Variants in SORCS2 observed in about 807,000 individuals in gnomAD.
The protein encoded by SORCS2 is VPS10 domain-containing receptor SorCS2.
In SORCS2, 100 loss-of-function variants were observed where a neutral mutation model predicts 141.6. That is an observed-to-expected ratio of 0.71 (90% CI 0.60 to 0.83). The LOEUF is 0.83. Among genes scored for constraint, SORCS2 ranks in the 40% least tolerant of loss-of-function variants. SORCS2 has a pLI of 0.00. For synonymous variants in SORCS2, 789 were observed against 676.9 expected (o/e 1.17, Z -2.57); for missense variants, 1,646 against 1,560.2 (o/e 1.05, Z -0.93).
intron 4 of SORCS2, among the ~76,000 whole-genome samples, chr4:7,650,108 T>C (rs1721337518): frequency 1.3e-5 from 2 of 152,182 alleles, no homozygotes; most frequent in South Asian, 4.1e-4. Context: ...TCTAGACAGA[T>C]GCTGATCACA....
chr4:7,273,562 C>T (rs915221621), intron 1 of SORCS2, among the ~76,000 whole-genome samples: 4 of 152,136 alleles, frequency 2.6e-5, no homozygotes, highest in African/African-American at 9.7e-5. Context: ...GGTGGACGTC[C>T]AGGGGTAAGT....
intron 2 of SORCS2, among the ~76,000 whole-genome samples, chr4:7,436,575 C>T (rs556120569): frequency 8.3e-4 from 127 of 152,326 alleles, no homozygotes; most frequent in Admixed American, 1.6e-3. Context: ...CACAACATCC[C>T]GATAATGAAG....
chr4:7,297,484 C>T (rs551212903), intron 1 of SORCS2, among the ~76,000 whole-genome samples: 1 of 152,056 alleles, frequency 6.6e-6, no homozygotes, highest in African/African-American at 2.4e-5. Context: ...GAAGCTGCCT[C>T]TGCTCCTTCT....
chr4:7,275,011 A>C (rs761417854), intron 1 of SORCS2, among the ~76,000 whole-genome samples: 3 of 152,162 alleles, frequency 2.0e-5, no homozygotes, highest in Non-Finnish European at 2.9e-5. Context: ...CTGGGCTGTC[A>C]CCACCTAAGC....
intron 1 of SORCS2, among the ~76,000 whole-genome samples, chr4:7,382,421 G>C (rs1723045824): frequency 6.6e-6 from 1 of 152,090 alleles, no homozygotes; most frequent in Non-Finnish European, 1.5e-5. Flanking sequence ...AAGGTGCAGA[G>C]AACAGGCCCC....
At chr4:7,317,947 T>C (rs2108937274) in intron 1 of SORCS2, among the ~76,000 whole-genome samples, 1 of 152,218 alleles carries the variant, frequency 6.6e-6, no homozygotes, top group Non-Finnish European at 1.5e-5. Context: ...CCCTAGCACT[T>C]CAGAATGTGA....
chr4:7,728,573 C>T (rs4689844), intron 22 of SORCS2, 111 bp downstream of exon 22: 98,395 of 685,622 alleles, frequency 0.14, 7,578 homozygotes, highest in East Asian at 0.22. Flanking sequence ...GCACTGCCCC[C>T]GCACACGATG....
At chr4:7,657,162 G>T (rs559199641) in intron 5 of SORCS2, among the ~76,000 whole-genome samples, 2 of 152,342 alleles carry the variant, frequency 1.3e-5, no homozygotes, top group South Asian at 2.1e-4. Flanking sequence ...CAGGGCCTTC[G>T]CCAGTACACT....
At chr4:7,267,794 T>C (rs112758702) in intron 1 of SORCS2, among the ~76,000 whole-genome samples, 6,179 of 152,244 alleles carry the variant, frequency 0.041, 427 homozygotes, top group African/African-American at 0.14. Flanking sequence ...ATTGCGCCAC[T>C]GCACTCCAGC....
chr4:7,468,290 C>G (rs1276235251), intron 2 of SORCS2, among the ~76,000 whole-genome samples: 1 of 152,202 alleles, frequency 6.6e-6, no homozygotes, highest in Admixed American at 6.5e-5. Context: ...GGGTCGCAAC[C>G]TTGTTGATGG....
Position 7,193,095 on chromosome 4 carries a change from C to T in SORCS2, c.449C>T (p.Ala150Val). The part of the protein sequence containing the change: ...VLKGDATHNQ[A>V]MVHWTGENSS... ...AAGGGGGACGCGACGCACAACCAGGCGATGGTGCACTGGACGGGCGAGAAC... is the reference window on the plus strand; with the variant it reads ...AAGGGGGACGCGACGCACAACCAGGTGATGGTGCACTGGACGGGCGAGAAC... Residue 150 changes from alanine (A) to valine (V), a missense_variant, in exon 1 of 27, where the codon GCG becomes GTG. Transcript: ENST00000507866. The surrounding 1 kb of genome is among the most constrained non-coding windows in gnomAD (Gnocchi z 4.8). The T allele has an allele frequency of 6.4e-7, 1 of 1,558,342 alleles. No individual in the cohort carries two copies. Among genetic ancestry groups the T allele is most frequent in the Non-Finnish European group, 8.6e-7 (1 of 1,161,334 alleles).
At position 7,664,373 on chromosome 4, in the gene SORCS2, G is replaced by A. The variant is rs369435318; in HGVS notation, c.973G>A (p.Ala325Thr). The change falls in exon 7 of 27, where the codon GCA (alanine) becomes ACA (threonine). Residue 325 changes from alanine to threonine, a missense_variant. Physicochemically the swap from Ala to Thr is moderately conservative, Grantham distance 58. Coordinates refer to ENST00000507866, the MANE Select transcript of SORCS2 (RefSeq NM_020777.3). The surrounding 1 kb of genome is among the most constrained non-coding windows in gnomAD (Gnocchi z 4.7). Reference protein sequence around the residue: ...LGGDFRYVTCAIHNCSEKMLT... With the variant: ...LGGDFRYVTCTIHNCSEKMLT... ...TGTAGATTTTCGGTACGTCACCTGC[G>A]CAATCCACAATTGCTCCGAGAAGAT... 28 of 1,613,574 alleles carry A rather than the reference G, an allele frequency of 1.7e-5. 1 individual carries two copies. The highest frequency in any genetic ancestry group is 2.2e-5 in the East Asian group (1 of 44,860).
chr4:7,278,198 G>C (rs774636477), intron 1 of SORCS2, among the ~76,000 whole-genome samples: 1 of 151,222 alleles, frequency 6.6e-6, no homozygotes, highest in African/African-American at 2.5e-5. Flanking sequence ...TAGCGTGTAA[G>C]TCCCCACCTG....
chr4:7,343,114 G>A (rs1183294818), intron 1 of SORCS2, among the ~76,000 whole-genome samples: 3 of 152,188 alleles, frequency 2.0e-5, no homozygotes, highest in Non-Finnish European at 2.9e-5. Flanking sequence ...TTCCGGGCAC[G>A]GCAACAGGAG....
At chr4:7,726,992 A>T in intron 21 of SORCS2, 89 bp downstream of exon 21, 270 of 1,179,284 alleles carry the variant, frequency 2.3e-4, no homozygotes, top group Middle Eastern at 4.3e-4. Context: ...TAAGCCATGG[A>T]TGTCCTGGTC....
At position 7,723,799 on chromosome 4, in the gene SORCS2, G is replaced by A. The variant is rs375293868; in HGVS notation, c.2527G>A (p.Glu843Lys). 6.8e-5 allele frequency: 109 copies of A among 1,613,716 alleles called. No homozygotes were observed. The highest frequency in any genetic ancestry group is 5.1e-4 in the East Asian group (23 of 44,900). The stretch of plus-strand genomic sequence containing the variant: ...CGGGGAGCCCATCCGGCACCGCTAC[G>A]AGAGCCCCGGCATCTACCGCGTGTC... ...LTGEPIRHRY[E>K]SPGIYRVSVR... The change falls in exon 19 of 27, where the codon GAG becomes AAG. Residue 843 changes from glutamate to lysine, a missense_variant. Transcript: ENST00000507866.
chr4:7,537,496 C>A lies in SORCS2; in HGVS notation c.648+5867C>A, dbSNP rs181303922. On this transcript the variant is annotated intron_variant, in intron 3 of 26. Coordinates refer to ENST00000507866, the MANE Select transcript of SORCS2 (RefSeq NM_020777.3). Reference sequence around the variant, plus strand: ...AATGGGGGTGAGACCCTACTAGGTGCTGGGCTGTGTGCTTGGTGCTAGAGA... The same window carrying A: ...AATGGGGGTGAGACCCTACTAGGTGATGGGCTGTGTGCTTGGTGCTAGAGA... 1.2e-4 allele frequency among the ~76,000 whole-genome samples: 18 copies of A among 152,286 alleles called. No homozygotes were observed. The East Asian group carries it at 2.3e-3, about 20-fold the overall frequency.
At chr4:7,719,289 C>A (rs75774408) in intron 18 of SORCS2, among the ~76,000 whole-genome samples, 1 of 152,362 alleles carries the variant, frequency 6.6e-6, no homozygotes, top group East Asian at 1.9e-4. Flanking sequence ...AGGCCCAAGA[C>A]GACGCAGAGC....
chr4:7,604,384 C>T (rs186344556), intron 3 of SORCS2, among the ~76,000 whole-genome samples: 2 of 152,344 alleles, frequency 1.3e-5, no homozygotes, highest in East Asian at 3.9e-4. Flanking sequence ...GTGGCGCGAT[C>T]TCGGCTCACT....
Sources: gnomAD v4.1 joint callset for allele counts (sites outside exome capture counted in the v4.1 genomes callset) on GRCh38, gnomAD v4.1.1 for gene constraint, Gnocchi (gnomAD v3.1) non-coding constraint, MANE v1.5 for transcripts, NCBI Gene and HGNC (gene_info 2026-07-23, HGNC 2026-07-21) for gene names.